Variants in YWHAZ observed in about 807,000 individuals in gnomAD.
YWHAZ encodes tyrosine 3-monooxygenase/tryptophan 5-monooxygenase activation protein zeta, also known as 14-3-3 protein zeta/delta.
For missense variants in YWHAZ, 79 were observed against 284.8 expected (o/e 0.28, Z 5.20); for synonymous variants, 87 against 103.6 (o/e 0.84, Z 0.97).
chr8:100,939,485 C>A (rs980293642), intron 2 of YWHAZ, among the ~76,000 whole-genome samples: 2 of 150,938 alleles, frequency 1.3e-5, no homozygotes, highest in African/African-American at 2.4e-5. Flanking sequence ...CATGGAGAAA[C>A]CCCATCTCTA....
chr8:100,920,795 T>TCGG, intron 5 of YWHAZ, 43 bp from the exon 6 acceptor site: 13 of 88,016 alleles, frequency 1.5e-4, no homozygotes, highest in Middle Eastern at 1.5e-3. Flanking sequence ...TTCAGTGGGA[T>TCGG]GGGGGGGGGG....
At chr8:100,926,550 T>C (rs950352122) in intron 2 of YWHAZ, among the ~76,000 whole-genome samples, 1 of 152,098 alleles carries the variant, frequency 6.6e-6, no homozygotes, top group African/African-American at 2.4e-5. Flanking sequence ...GCCCGAGAGA[T>C]AGAGGCTGCA....
chr8:100,939,950 AAGGCGG>A (rs2130279133), intron 2 of YWHAZ, among the ~76,000 whole-genome samples: 1 of 151,188 alleles, frequency 6.6e-6, no homozygotes, highest in East Asian at 2.0e-4. Flanking sequence ...GTGAACCTGG[AAGGCGG>A]AGCTTGCAGT....
intron 2 of YWHAZ, among the ~76,000 whole-genome samples, chr8:100,945,035 G>A (rs1346348431): frequency 6.6e-6 from 1 of 152,180 alleles, no homozygotes; most frequent in African/African-American, 2.4e-5. Context: ...CATCTTTCAG[G>A]TTTAAAGAGG....
chr8:100,917,455 C>G lies in YWHAZ; in HGVS notation c.*3238G>C, dbSNP rs922985520. On this transcript the variant is annotated 3_prime_UTR_variant, in exon 6 of 6. Transcript: ENST00000395958. ...ACATACCAGGGTGGGCACAGTGGCT[C>G]ACGCCTGTAATCCCAGCACTTTGGG... is the stretch of plus-strand genomic sequence containing the variant. 3.3e-5 allele frequency: 5 copies of G among 152,210 alleles called. No individual in the cohort carries two copies. The highest frequency in any genetic ancestry group is 7.3e-5 in the Non-Finnish European group (5 of 68,112). The allele number at this position is 152,210 out of a possible 1,614,324, so 9.4% of individuals were successfully genotyped here.
intron 2 of YWHAZ, among the ~76,000 whole-genome samples, chr8:100,931,523 A>C (rs1204833886): frequency 6.6e-6 from 1 of 152,184 alleles, no homozygotes; most frequent in Non-Finnish European, 1.5e-5. Flanking sequence ...GAAAAGCTTG[A>C]TGTAATGCAA....
intron 2 of YWHAZ, among the ~76,000 whole-genome samples, chr8:100,939,882 G>A (rs998259876): frequency 6.6e-6 from 1 of 151,918 alleles, no homozygotes; most frequent in Non-Finnish European, 1.5e-5. Context: ...AATTAGCCGG[G>A]CGTGGTGGCG....
chr8:100,935,621 G>A (rs1814091876), intron 2 of YWHAZ, among the ~76,000 whole-genome samples: 1 of 152,164 alleles, frequency 6.6e-6, no homozygotes, highest in African/African-American at 2.4e-5. Flanking sequence ...TCCTAATATG[G>A]ATAAGCTCCA....
intron 1 of YWHAZ, chr8:100,951,016 C>A (rs1810712480): frequency 2.5e-6 from 1 of 392,844 alleles, no homozygotes; most frequent in Non-Finnish European, 3.5e-6. Flanking sequence ...GTTCTCTACC[C>A]CGACCTGGAC....
intron 2 of YWHAZ, among the ~76,000 whole-genome samples, chr8:100,942,449 A>G (rs905234127): frequency 6.6e-6 from 1 of 152,236 alleles, no homozygotes; most frequent in African/African-American, 2.4e-5. Flanking sequence ...AGAAATACAC[A>G]TAATAAAAAA....
chr8:100,918,413 T>TATATATAG lies in YWHAZ; in HGVS notation c.*2279_*2280insCTATATAT, dbSNP rs1812802748. The TATATATAG allele has an allele frequency of 1.8e-5, 1 of 55,622 alleles. No individual in the cohort carries two copies. The allele number at this position is 55,622 out of a possible 1,614,324, so 3.4% of individuals were successfully genotyped here. A position where few individuals can be genotyped will look rare whatever the true frequency, so the allele number is the denominator to read the frequency against. On this transcript the variant is annotated 3_prime_UTR_variant, in exon 6 of 6. Coordinates refer to ENST00000395958, the MANE Select transcript of YWHAZ (RefSeq NM_145690.3). ...AGCTATAAAATATAATTACTTTATATATATATATATATATATATATATATA... is the reference window on the plus strand; with the variant it reads ...AGCTATAAAATATAATTACTTTATATATATATAGATATATATATATATATATATATATA...
intron 2 of YWHAZ, among the ~76,000 whole-genome samples, chr8:100,942,985 A>C (rs1809984025): frequency 6.6e-6 from 1 of 152,240 alleles, no homozygotes; most frequent in African/African-American, 2.4e-5. Flanking sequence ...TTCTGAGTAT[A>C]ATCCTGGGAA....
chr8:100,939,595 G>T (rs1745844824), intron 2 of YWHAZ, among the ~76,000 whole-genome samples: 1 of 151,934 alleles, frequency 6.6e-6, no homozygotes, highest in South Asian at 2.1e-4. Context: ...GGAGACGGAG[G>T]ATGTGGTGAG....
intron 2 of YWHAZ, chr8:100,931,948 G>C (rs1407782797): frequency 6.6e-6 from 1 of 152,130 alleles, no homozygotes; most frequent in East Asian, 1.9e-4. Context: ...AAGAAAAAAA[G>C]AACATTTCCT....
At chr8:100,946,730 T>C (rs1810306176) in intron 2 of YWHAZ, among the ~76,000 whole-genome samples, 1 of 152,104 alleles carries the variant, frequency 6.6e-6, no homozygotes, top group Admixed American at 6.5e-5. Flanking sequence ...TTTTTATTCC[T>C]AAAATTGACT....
chr8:100,926,360 T>C (rs1813361248), intron 2 of YWHAZ, among the ~76,000 whole-genome samples: 2 of 152,338 alleles, frequency 1.3e-5, no homozygotes, highest in African/African-American at 4.8e-5. Flanking sequence ...AATACTGGCC[T>C]GAGGCCGGGC....
intron 1 of YWHAZ, 182 bp downstream of exon 1, chr8:100,951,747 G>A (rs1563695536): frequency 1.0e-6 from 1 of 985,082 alleles, no homozygotes. Context: ...GCCGCTAGCC[G>A]CCCTCCCGAG....
Position 100,924,830 on chromosome 8 carries a change from A to G in YWHAZ, c.418+86T>C. On this transcript the variant is annotated intron_variant, in intron 3 of 5. Transcript: ENST00000395958. The surrounding 1 kb of genome is among the most constrained non-coding windows in gnomAD (Gnocchi z 5.7). ...CTTATTCGGCACTCTAAGCAATTCA[A>G]AACAAGACATTATGTACGCTTCAGA... 6 of 1,561,042 alleles carry G rather than the reference A, an allele frequency of 3.8e-6. No individual in the cohort carries two copies. The Admixed American group carries it at 9.2e-5, about 24-fold the overall frequency.
Position 100,920,737 on chromosome 8 carries a change from T to C in YWHAZ, c.694A>G (p.Thr232Ala). The C allele has an allele frequency of 7.0e-7, 1 of 1,432,486 alleles. No individual in the cohort carries two copies. The highest frequency in any genetic ancestry group is 9.3e-7 in the Non-Finnish European group (1 of 1,073,630). The allele number at this position is 1,432,486 out of a possible 1,614,324, so 88.7% of individuals were successfully genotyped here. Residue 232 changes from threonine to alanine, a missense_variant, in exon 6 of 6, where the codon ACC becomes GCC. By Grantham distance (58) the Thr-to-Ala change is moderately conservative (BLOSUM62 0). Coordinates refer to ENST00000395958, the MANE Select transcript of YWHAZ (RefSeq NM_145690.3). Reference sequence around the variant, plus strand: ...CCTGCTTCAGCTTCGTCTCCTTGGGTATCCGATGTCCACAACTGGTAAAAG... The same window carrying C: ...CCTGCTTCAGCTTCGTCTCCTTGGGCATCCGATGTCCACAACTGGTAAAAG... ...RDNLTLWTSD[T>A]QGDEAEAGEG...
Sources: allele counts gnomAD v4.1 joint callset (sites outside exome capture counted in the v4.1 genomes callset), GRCh38; gene constraint gnomAD v4.1.1; non-coding constraint Gnocchi (gnomAD v3.1); transcripts MANE v1.5; gene names NCBI Gene and HGNC (gene_info 2026-07-23, HGNC 2026-07-21).